GALNT2: variants seen among roughly 807,000 people sequenced by gnomAD.
GALNT2 encodes the protein polypeptide N-acetylgalactosaminyltransferase 2.
GALNT2 carries 31 observed loss-of-function variants against 81.4 expected under a neutral mutation model. The ratio of observed to expected loss-of-function variants is 0.38; its 90% confidence interval spans 0.29 to 0.51. The LOEUF (loss-of-function observed/expected upper bound fraction) is 0.51. GALNT2 is among the 20% of genes least tolerant of loss of function. The pLI is 0.87. For missense variants in GALNT2, 629 were observed against 765.7 expected (o/e 0.82, Z 2.11); for synonymous variants, 303 against 287.4 (o/e 1.05, Z -0.55).
At chr1:230,169,299 C>T (rs1662713277) in intron 1 of GALNT2, among the ~76,000 whole-genome samples, 1 of 152,138 alleles carries the variant, frequency 6.6e-6, no homozygotes, top group African/African-American at 2.4e-5. Flanking sequence ...CCTTATAGTT[C>T]AAAGGGGATG....
intron 8 of GALNT2, 90 bp from the exon 9 acceptor site, chr1:230,249,094 A>G: frequency 7.9e-7 from 1 of 1,272,060 alleles, no homozygotes; most frequent in East Asian, 2.3e-5. Flanking sequence ...CTGTCCAAAC[A>G]TCGAATATTT....
At chr1:230,273,515 A>T (rs905729823) in intron 14 of GALNT2, among the ~76,000 whole-genome samples, 1 of 152,226 alleles carries the variant, frequency 6.6e-6, no homozygotes, top group Non-Finnish European at 1.5e-5. Context: ...TTTGAGTGGG[A>T]CAAATGGAGA....
intron 1 of GALNT2, among the ~76,000 whole-genome samples, chr1:230,101,489 A>G (rs1571962778): frequency 6.6e-6 from 1 of 152,288 alleles, no homozygotes; most frequent in South Asian, 2.1e-4. Context: ...GTGTTTGTTG[A>G]ACTGAAATTC....
chr1:230,270,582 T>TA (rs1666139152), intron 14 of GALNT2, among the ~76,000 whole-genome samples: 1 of 152,248 alleles, frequency 6.6e-6, no homozygotes, highest in African/African-American at 2.4e-5. Flanking sequence ...ACGGCTCAGA[T>TA]ATTCCAGCTC....
intron 1 of GALNT2, among the ~76,000 whole-genome samples, chr1:230,164,451 G>A (rs1662536117): frequency 6.6e-6 from 1 of 152,064 alleles, no homozygotes; most frequent in Non-Finnish European, 1.5e-5. Context: ...GTACATAGAG[G>A]AGATGAGCCT....
intron 7 of GALNT2, among the ~76,000 whole-genome samples, chr1:230,245,050 G>A (rs190862551): frequency 2.3e-4 from 35 of 152,238 alleles, no homozygotes; most frequent in African/African-American, 8.4e-4. Context: ...ACCAGCATCC[G>A]TCATTTGAGC....
At chr1:230,200,586 A>G (rs540726321) in intron 2 of GALNT2, among the ~76,000 whole-genome samples, 1 of 152,324 alleles carries the variant, frequency 6.6e-6, no homozygotes, top group South Asian at 2.1e-4. Flanking sequence ...TTATTCCAGA[A>G]GGGCTGTGGG....
rs72649527 is a variant in GALNT2, at chr1:230,186,090, C to T, written c.220+7779C>T. On this transcript the variant is annotated intron_variant, in intron 2 of 15. Transcript: ENST00000366672. ...GCTTTTTACTGTTAGGACGGAATAA[C>T]GACTTTCAAGCTCCTTACATGCCTA... 7.3e-4 allele frequency among the ~76,000 whole-genome samples: 111 copies of T among 152,326 alleles called. No homozygotes were observed. The Middle Eastern group carries it at 0.024, about 33-fold the overall frequency.
chr1:230,132,851 G>A (rs564449433), intron 1 of GALNT2, among the ~76,000 whole-genome samples: 18 of 152,258 alleles, frequency 1.2e-4, no homozygotes, highest in East Asian at 5.8e-4. Flanking sequence ...TTTCTTGAGC[G>A]TGGGATGAGA....
chr1:230,200,064 T>C (rs1663837600), intron 2 of GALNT2, among the ~76,000 whole-genome samples: 1 of 31,344 alleles, frequency 3.2e-5, no homozygotes. Flanking sequence ...TTTTTTTTCT[T>C]TTTTTTTTTT....
chr1:230,186,000 T>C (rs544634046), intron 2 of GALNT2, among the ~76,000 whole-genome samples: 3 of 152,240 alleles, frequency 2.0e-5, no homozygotes, highest in Non-Finnish European at 4.4e-5. Flanking sequence ...GGGCTGTGGC[T>C]TGTGACATTT....
chr1:230,134,754 G>A (rs1439499352), intron 1 of GALNT2, among the ~76,000 whole-genome samples: 2 of 152,180 alleles, frequency 1.3e-5, no homozygotes, highest in African/African-American at 4.8e-5. Context: ...ATACAGCAGC[G>A]AGCAGGTGAG....
chr1:230,222,230 G>A (rs1664572725), intron 3 of GALNT2, among the ~76,000 whole-genome samples: 1 of 151,816 alleles, frequency 6.6e-6, no homozygotes, highest in Non-Finnish European at 1.5e-5. Context: ...GTTTCACCAT[G>A]TTAGCCAGAA....
chr1:230,066,306 C>T (rs955089842), upstream of GALNT2, among the ~76,000 whole-genome samples: 2 of 152,230 alleles, frequency 1.3e-5, no homozygotes, highest in African/African-American at 4.8e-5. Context: ...GATTATGTTA[C>T]AAGACAGATC....
At chr1:230,143,233 G>A (rs1661804760) in intron 1 of GALNT2, among the ~76,000 whole-genome samples, 1 of 152,082 alleles carries the variant, frequency 6.6e-6, no homozygotes. Context: ...CTTTGGGCAG[G>A]GTCCTCACTC....
chr1:230,127,185 C>G (rs929947605), intron 1 of GALNT2, among the ~76,000 whole-genome samples: 1 of 152,032 alleles, frequency 6.6e-6, no homozygotes, highest in South Asian at 2.1e-4. Context: ...TGCAGCAACC[C>G]TAAATCCTGC....
chr1:230,110,715 T>G (rs1431431240), intron 1 of GALNT2, among the ~76,000 whole-genome samples: 1 of 44,978 alleles, frequency 2.2e-5, no homozygotes, highest in East Asian at 6.7e-4. Flanking sequence ...TGCTTTTCTG[T>G]TTTTTTTTTT....
In GALNT2 at chr1:230,070,427, G is replaced by T. The variant is rs1243222480; in HGVS notation, c.126+3021G>T. On this transcript the variant is annotated intron_variant, in intron 1 of 15. Transcript: ENST00000366672. This position sits in a 1 kb window ranked among gnomAD's most constrained non-coding sequence, Gnocchi z 4.7. Reference sequence around the variant, plus strand: ...AAGGGATTTCTCTGGAAATGAAGCTGCCTGTGGGTGAAGTGTGGCTGTTTA... The same window carrying T: ...AAGGGATTTCTCTGGAAATGAAGCTTCCTGTGGGTGAAGTGTGGCTGTTTA... 6.6e-6 allele frequency among the ~76,000 whole-genome samples: 1 copy of T among 152,218 alleles called. No homozygotes were observed. The highest frequency in any genetic ancestry group is 1.5e-5 in the Non-Finnish European group (1 of 68,042).
intron 1 of GALNT2, among the ~76,000 whole-genome samples, chr1:230,131,223 T>C (rs1300751792): frequency 6.7e-6 from 1 of 149,052 alleles, no homozygotes; most frequent in Non-Finnish European, 1.5e-5. Flanking sequence ...CTGCAGCACA[T>C]AGACCTCGGG....
Sources: allele counts gnomAD v4.1 joint callset (sites outside exome capture counted in the v4.1 genomes callset), GRCh38; gene constraint gnomAD v4.1.1; non-coding constraint Gnocchi (gnomAD v3.1); transcripts MANE v1.5; gene names NCBI Gene and HGNC (gene_info 2026-07-23, HGNC 2026-07-21).